Variants in PHACTR1 observed in about 807,000 individuals in gnomAD.
PHACTR1 encodes the protein RPEL repeat containing 1.
A neutral mutation model predicts 69.2 loss-of-function variants in PHACTR1; 16 were observed. The observed-to-expected ratio is 0.23, with a 90% CI of 0.16 to 0.35. The LOEUF is 0.35. PHACTR1 is among the 10% of genes least tolerant of loss of function. The pLI is 1.00. For synonymous variants in PHACTR1, 312 were observed against 284.5 expected (o/e 1.10, Z -0.97); for missense variants, 510 against 734.7 (o/e 0.69, Z 3.54).
chr6:12,802,914 A>G (rs540788395), intron 4 of PHACTR1, among the ~76,000 whole-genome samples: 28 of 152,346 alleles, frequency 1.8e-4, no homozygotes, highest in African/African-American at 4.8e-4. Context: ...AAGAAAATCA[A>G]TTCAGTGTAT....
intron 7 of PHACTR1, among the ~76,000 whole-genome samples, chr6:13,204,856 C>G (rs75550384): frequency 0.023 from 3,529 of 152,304 alleles, 78 homozygotes; most frequent in East Asian, 0.063. Flanking sequence ...AAGGCACTTG[C>G]AGAGTGGCAT....
At chr6:12,995,450 A>T (rs1055867022) in intron 4 of PHACTR1, among the ~76,000 whole-genome samples, 9 of 151,838 alleles carry the variant, frequency 5.9e-5, no homozygotes, top group Admixed American at 2.6e-4. Flanking sequence ...ATGAAACAAT[A>T]GGCAAATATT....
At chr6:13,177,671 C>T (rs1761576233) in intron 6 of PHACTR1, among the ~76,000 whole-genome samples, 1 of 152,104 alleles carries the variant, frequency 6.6e-6, no homozygotes, top group African/African-American at 2.4e-5. Flanking sequence ...TCCCTAAAGC[C>T]AAATGAAGAA....
chr6:13,271,090 C>A (rs983401154), intron 10 of PHACTR1, among the ~76,000 whole-genome samples: 1 of 151,298 alleles, frequency 6.6e-6, no homozygotes, highest in African/African-American at 2.4e-5. Flanking sequence ...CTCACTGCAA[C>A]CTCCACCTCC....
chr6:13,282,387 G>C (rs1346538476), intron 12 of PHACTR1, among the ~76,000 whole-genome samples: 3 of 152,166 alleles, frequency 2.0e-5, no homozygotes, highest in Non-Finnish European at 4.4e-5. Context: ...GGTCTTCATG[G>C]CTAATATCGG....
At chr6:13,155,085 G>A (rs1757974732) in intron 5 of PHACTR1, among the ~76,000 whole-genome samples, 1 of 152,130 alleles carries the variant, frequency 6.6e-6, no homozygotes, top group Non-Finnish European at 1.5e-5. Context: ...AAAAGTTAAA[G>A]CAACTTCATC....
chr6:12,817,469 C>A (rs919976187), intron 4 of PHACTR1, among the ~76,000 whole-genome samples: 2 of 152,116 alleles, frequency 1.3e-5, no homozygotes, highest in Non-Finnish European at 2.9e-5. Flanking sequence ...TACTGTGGGA[C>A]CTTGGACGAG....
At chr6:13,072,668 C>T (rs1481659085) in intron 5 of PHACTR1, among the ~76,000 whole-genome samples, 1 of 152,176 alleles carries the variant, frequency 6.6e-6, no homozygotes, top group African/African-American at 2.4e-5. Flanking sequence ...ATAACCTTGC[C>T]ACAAACATGT....
rs187133639 is a variant in PHACTR1 at position 13,073,818 on chromosome 6, T to C, written c.415+20289T>C. The stretch of plus-strand genomic sequence containing the variant: ...GGATTCCAGACTATCCCATAGGCAG[T>C]AGGTCACTGTGAAAGGCTTTAAGCA... On this transcript the variant is annotated intron_variant, in intron 5 of 14. Transcript: ENST00000332995. Among the ~76,000 whole-genome samples, 245 of 151,974 alleles carry C rather than the reference T, an allele frequency of 1.6e-3. 1 individual carries two copies. Among genetic ancestry groups the C allele is most frequent in the African/African-American group, 5.7e-3 (236 of 41,482 alleles).
At chr6:12,970,617 G>A (rs879658616) in intron 4 of PHACTR1, among the ~76,000 whole-genome samples, 4 of 152,250 alleles carry the variant, frequency 2.6e-5, no homozygotes, top group South Asian at 4.2e-4. Flanking sequence ...TTAGCCAGGC[G>A]TGGTGGTGTG....
At chr6:13,212,421 A>G (rs1766990352) in intron 8 of PHACTR1, among the ~76,000 whole-genome samples, 1 of 152,184 alleles carries the variant, frequency 6.6e-6, no homozygotes, top group South Asian at 2.1e-4. Context: ...TTATTAAAAT[A>G]CCAGGTCCTC....
chr6:12,855,380 G>A (rs971163810), intron 4 of PHACTR1, among the ~76,000 whole-genome samples: 1 of 152,144 alleles, frequency 6.6e-6, no homozygotes, highest in African/African-American at 2.4e-5. Flanking sequence ...TCAGTCCAGA[G>A]GTTTGAGGCT....
intron 4 of PHACTR1, among the ~76,000 whole-genome samples, chr6:12,834,087 T>C (rs955097316): frequency 1.1e-4 from 16 of 152,192 alleles, no homozygotes; most frequent in Admixed American, 6.5e-5. Flanking sequence ...CAATAGCACT[T>C]ATTGTTCTCT....
chr6:13,143,722 A>T (rs1822859755), intron 5 of PHACTR1, among the ~76,000 whole-genome samples: 1 of 152,150 alleles, frequency 6.6e-6, no homozygotes, highest in Non-Finnish European at 1.5e-5. Flanking sequence ...GACTAGCATA[A>T]ATTGGATTCC....
chr6:13,024,019 G>A (rs1394505717), intron 4 of PHACTR1, among the ~76,000 whole-genome samples: 2 of 151,912 alleles, frequency 1.3e-5, no homozygotes, highest in African/African-American at 4.8e-5. Context: ...AGAGGTTGGA[G>A]TGAGCTGAGA....
At chr6:12,860,767 A>G (rs929481626) in intron 4 of PHACTR1, among the ~76,000 whole-genome samples, 5 of 152,132 alleles carry the variant, frequency 3.3e-5, no homozygotes, top group African/African-American at 1.2e-4. Context: ...GCTCTTTTTC[A>G]TATGTTCGTT....
intron 4 of PHACTR1, among the ~76,000 whole-genome samples, chr6:12,907,536 A>G (rs1785879713): frequency 6.6e-6 from 1 of 152,254 alleles, no homozygotes; most frequent in Admixed American, 6.5e-5. Context: ...GTTGGTCCTC[A>G]GTTTTGAAGA....
intron 10 of PHACTR1, among the ~76,000 whole-genome samples, chr6:13,242,084 G>A (rs1772941047): frequency 6.6e-6 from 1 of 150,806 alleles, no homozygotes; most frequent in Admixed American, 6.6e-5. Context: ...TGCCCTAACA[G>A]GAAAATCCTA....
chr6:13,105,434 G>A (rs1815954227), intron 5 of PHACTR1, among the ~76,000 whole-genome samples: 1 of 152,204 alleles, frequency 6.6e-6, no homozygotes, highest in Non-Finnish European at 1.5e-5. Flanking sequence ...CCTATTAAAT[G>A]GAGATACACA....
Sources: allele counts gnomAD v4.1 joint callset (sites outside exome capture counted in the v4.1 genomes callset), GRCh38; gene constraint gnomAD v4.1.1; transcripts MANE v1.5; gene names NCBI Gene and HGNC (gene_info 2026-07-23, HGNC 2026-07-21).